CDHR1: variants seen among roughly 807,000 people sequenced by gnomAD.
CDHR1 encodes cadherin-related family member 1.
Under a neutral mutation model 72.1 loss-of-function variants are expected in CDHR1, and 61 were observed. The ratio of observed to expected loss-of-function variants is 0.85; its 90% CI spans 0.69 to 1.05. The LOEUF (loss-of-function observed/expected upper bound fraction) is 1.05. Ranked by LOEUF, CDHR1 falls within the 50% of genes least tolerant of loss-of-function variation. The pLI, the probability that CDHR1 is intolerant of heterozygous loss-of-function variation, is 0.00. For missense variants in CDHR1, 1,186 were observed against 1,115.7 expected, an observed-to-expected ratio of 1.06 and a Z score of -0.90; for synonymous variants, 470 against 448.1, an observed-to-expected ratio of 1.05 and a Z score of -0.62.
chr10:84,218,513 G>A lies in CDHR1; in HGVS notation c.*3892G>A. ...GTGTATGTCTCTAACAAGATAGAAG[G>A]AAAGAAGAAAAGAAAAAGAACAACA... is the stretch of plus-strand genomic sequence containing the variant. On this transcript the variant is annotated 3_prime_UTR_variant, in exon 17 of 17. Transcript: ENST00000623527. 1 of 985,416 alleles carries A rather than the reference G, an allele frequency of 1.0e-6. No individual in the cohort carries two copies. The highest frequency in any genetic ancestry group is 1.2e-6 in the Non-Finnish European group (1 of 829,924). The allele number at this position is 985,416 out of a possible 1,614,324, so 61.0% of individuals were successfully genotyped here.
intron 1 of CDHR1, among the ~76,000 whole-genome samples, 183 bp downstream of exon 1, chr10:84,194,998 G>A (rs571057992): frequency 6.6e-6 from 1 of 152,338 alleles, no homozygotes; most frequent in Admixed American, 6.5e-5. Context: ...TGGGGTAGCG[G>A]AGTAGTGGGG....
At position 84,214,479 on chromosome 10, in the gene CDHR1, C is replaced by G; in HGVS notation, c.2438C>G (p.Thr813Ser). 2 of 1,609,460 alleles carry G rather than the reference C, an allele frequency of 1.2e-6. No homozygotes were observed. The highest frequency in any genetic ancestry group is 1.7e-6 in the Non-Finnish European group (2 of 1,179,528). The change falls in exon 17 of 17, where the codon ACT (threonine) becomes AGT (serine). Residue 813 changes from threonine to serine, a missense_variant. By Grantham distance (58) the Thr-to-Ser change is moderately conservative (BLOSUM62 1). Transcript: ENST00000623527. Reference sequence around the variant, plus strand: ...GGCGCAGCCCAGTGGACCGTGCCTACTGTCTCTGGCTCTCTCACTCCGCAG... The same window carrying G: ...GGCGCAGCCCAGTGGACCGTGCCTAGTGTCTCTGGCTCTCTCACTCCGCAG... Reference protein sequence around the residue: ...STGAAQWTVPTVSGSLTPQPT... With the variant: ...STGAAQWTVPSVSGSLTPQPT...
In CDHR1 at chr10:84,216,842, C is replaced by G. The variant is rs1370534862; in HGVS notation, c.*2221C>G. On this transcript the variant is annotated 3_prime_UTR_variant, in exon 17 of 17. Transcript: ENST00000623527. ...TGCCCACTCTCCCACCCTACCAGTG[C>G]AGCCCGGCAAGGGCAGGAATTGGGA... 2.0e-6 allele frequency: 2 copies of G among 985,536 alleles called. No individual in the cohort carries two copies. Among genetic ancestry groups the G allele is most frequent in the East Asian group, 2.3e-4 (2 of 8,822 alleles). The allele number at this position is 985,536 out of a possible 1,614,324, so 61.0% of individuals were successfully genotyped here.
In CDHR1 at chr10:84,208,226, T is replaced by G; in HGVS notation, c.1016T>G (p.Val339Gly). The change falls in exon 11 of 17, where the codon GTC becomes GGC. Residue 339 changes from valine to glycine, a missense_variant. Physicochemically the swap from Val to Gly is moderately radical, Grantham distance 109. Coordinates refer to ENST00000623527, the MANE Select transcript of CDHR1 (RefSeq NM_033100.4). The stretch of plus-strand genomic sequence containing the variant: ...CCAGCTGCCCAGGCCACCGTCCCAG[T>G]CACCATCAGGATTGTGGACCTCAAC... The part of the protein sequence containing the change: ...GSPAAQATVP[V>G]TIRIVDLNNH... 2 of 1,614,122 alleles carry G rather than the reference T, an allele frequency of 1.2e-6. No homozygotes were observed. Among genetic ancestry groups the G allele is most frequent in the Non-Finnish European group, 1.7e-6 (2 of 1,180,026 alleles).
intron 3 of CDHR1, among the ~76,000 whole-genome samples, chr10:84,196,896 T>C (rs1842040258): frequency 6.6e-6 from 1 of 152,194 alleles, no homozygotes; most frequent in Admixed American, 6.5e-5. Context: ...CTGCCAGCCC[T>C]GCTAATCTTT....
In CDHR1 at chr10:84,212,726, A is replaced by C. The variant is rs1842357613; in HGVS notation, c.1782+319A>C. 2.0e-5 allele frequency among the ~76,000 whole-genome samples: 3 copies of C among 152,248 alleles called. No homozygotes were observed. The South Asian group carries it at 6.2e-4, about 31-fold the overall frequency. Reference sequence around the variant, plus strand: ...TTGTCATTTTGCCAATGTGGCAAAAAGGATGAACTCTGAAACCCAGCAGAC... The same window carrying C: ...TTGTCATTTTGCCAATGTGGCAAAACGGATGAACTCTGAAACCCAGCAGAC... On this transcript the variant is annotated intron_variant, in intron 15 of 16. Transcript: ENST00000623527.
chr10:84,201,802 T>C lies in CDHR1; in HGVS notation c.526-5T>C, dbSNP rs1268866270. The C allele has an allele frequency of 6.2e-7, 1 of 1,609,226 alleles. No individual in the cohort carries two copies. The highest frequency in any genetic ancestry group is 1.7e-5 in the Admixed American group (1 of 60,020). On this transcript the variant is annotated splice_polypyrimidine_tract_variant and splice_region_variant and intron_variant, in intron 6 of 16. Coordinates refer to ENST00000623527, the MANE Select transcript of CDHR1 (RefSeq NM_033100.4). ...TGAGGTCCAGCTGCCCCCTAATTCTTATAGAACCTGCACTCCCCATTTGCC... is the reference window on the plus strand; with the variant it reads ...TGAGGTCCAGCTGCCCCCTAATTCTCATAGAACCTGCACTCCCCATTTGCC...
At chr10:84,200,000 G>C (rs570261137) in intron 5 of CDHR1, among the ~76,000 whole-genome samples, 1 of 152,238 alleles carries the variant, frequency 6.6e-6, no homozygotes, top group Admixed American at 6.5e-5. Context: ...TGGTGAAACA[G>C]TCTCTACTAA....
In CDHR1 at chr10:84,196,582, A is replaced by T; in HGVS notation, c.229A>T (p.Thr77Ser). 2 of 1,614,198 alleles carry T rather than the reference A, an allele frequency of 1.2e-6. No individual in the cohort carries two copies. Among genetic ancestry groups the T allele is most frequent in the Non-Finnish European group, 1.7e-6 (2 of 1,180,036 alleles). ...ISYHISFDPS[T>S]RSVFSVDPTF... ...CTACCACATCAGCTTTGACCCCAGC[A>T]CTAGAAGCGTCTTTTCTGTTGACCC... Residue 77 changes from threonine to serine, a missense_variant, in exon 3 of 17, where the codon ACT (threonine) becomes TCT (serine). Coordinates refer to ENST00000623527, the MANE Select transcript of CDHR1 (RefSeq NM_033100.4).
At chr10:84,204,423 T>G in intron 8 of CDHR1, 104 bp from the exon 9 acceptor site, 1 of 848,712 alleles carries the variant, frequency 1.2e-6, no homozygotes, top group East Asian at 2.4e-5. Flanking sequence ...CCTGACCCTT[T>G]CCTAGGTGGG....
Position 84,214,412 on chromosome 10 carries a change from G to A in CDHR1, c.2371G>A (p.Ala791Thr). Residue 791 changes from alanine (A) to threonine (T), a missense_variant, in exon 17 of 17, where the codon GCT becomes ACT. Physicochemically the swap from Ala to Thr is moderately conservative, Grantham distance 58. Transcript: ENST00000623527. ...NSPESSLLPR[A>T]PALPPPPSVA... ...CCCAGAAAGCTCTCTGCTCCCGAGA[G>A]CTCCGGCTCTCCCTCCACCACCCAG... 1 of 1,613,720 alleles carries A rather than the reference G, an allele frequency of 6.2e-7. No homozygotes were observed.
chr10:84,200,983 C>G (rs1842114770), intron 6 of CDHR1, among the ~76,000 whole-genome samples: 1 of 152,188 alleles, frequency 6.6e-6, no homozygotes, highest in Non-Finnish European at 1.5e-5. Context: ...GGTGGAGAAC[C>G]CCGTGTAGGC....
At chr10:84,218,837 C>A, downstream of CDHR1, 2 of 919,428 alleles carry the variant, frequency 2.2e-6, no homozygotes, top group Non-Finnish European at 1.4e-6. Flanking sequence ...TCCAAATGGC[C>A]CTATGTGCTG....
intron 4 of CDHR1, 96 bp downstream of exon 4, chr10:84,197,932 C>A (rs2132791533): frequency 8.3e-7 from 1 of 1,203,680 alleles, no homozygotes; most frequent in Non-Finnish European, 1.2e-6. Flanking sequence ...TTCATGGGGG[C>A]TTTTCTGCAA....
At chr10:84,219,274 T>C (rs1564669449), downstream of CDHR1, 3 of 1,549,804 alleles carry the variant, frequency 1.9e-6, no homozygotes, top group Non-Finnish European at 1.7e-6. Flanking sequence ...CCAAGCATCT[T>C]AAAAAGTATC....
At position 84,217,669 on chromosome 10, in the gene CDHR1, A is replaced by G; in HGVS notation, c.*3048A>G. ...ACTGTGGCCCACATACTAGAACACC[A>G]TGTCCTGAAAGAGAGGACCCCCTCC... On this transcript the variant is annotated 3_prime_UTR_variant, in exon 17 of 17. Coordinates refer to ENST00000623527, the MANE Select transcript of CDHR1 (RefSeq NM_033100.4). 1.0e-6 allele frequency: 1 copy of G among 985,494 alleles called. No homozygotes were observed. Among genetic ancestry groups the G allele is most frequent in the Non-Finnish European group, 1.2e-6 (1 of 829,998 alleles). 61.0% of individuals were successfully genotyped at this position (985,494 alleles called of 1,614,324 possible).
chr10:84,216,642 T>C lies in CDHR1; in HGVS notation c.*2021T>C, dbSNP rs1842429911. On this transcript the variant is annotated 3_prime_UTR_variant, in exon 17 of 17. Transcript: ENST00000623527. ...TGGCTGCTTCAGCAGGTGGATCCAT[T>C]CTTCGACCCCCAGATGTGACTCTAA... is the stretch of plus-strand genomic sequence containing the variant. The C allele has an allele frequency of 1.0e-6, 1 of 985,370 alleles. No individual in the cohort carries two copies. Among genetic ancestry groups the C allele is most frequent in the Admixed American group, 6.1e-5 (1 of 16,264 alleles). 61.0% of individuals were successfully genotyped at this position (985,370 alleles called of 1,614,324 possible). A position where few individuals can be genotyped will look rare whatever the true frequency, so the allele number is the denominator to read the frequency against.
chr10:84,201,694 C>A, intron 6 of CDHR1, 113 bp from the exon 7 acceptor site: 2 of 826,006 alleles, frequency 2.4e-6, no homozygotes, highest in Non-Finnish European at 4.0e-6. Context: ...GGAACCTCAG[C>A]CCTGAGGTCC....
At chr10:84,213,371 G>C in intron 16 of CDHR1, 23 bp downstream of exon 16, 1 of 1,613,998 alleles carries the variant, frequency 6.2e-7, no homozygotes. Context: ...CCATGGTCAG[G>C]AAAAAGGGGT....
Sources: gnomAD v4.1 joint callset for allele counts (sites outside exome capture counted in the v4.1 genomes callset) on GRCh38, gnomAD v4.1.1 for gene constraint, MANE v1.5 for transcripts, NCBI Gene and HGNC (gene_info 2026-07-23, HGNC 2026-07-21) for gene names.